The following TRIM54 variants were observed in gnomAD, a reference collection of about 807,000 sequenced individuals.
TRIM54 encodes the protein tripartite motif-containing protein 54.
A neutral mutation model predicts 42.0 loss-of-function variants in TRIM54; 40 were observed. The ratio of observed to expected loss-of-function variants is 0.95; its 90% CI spans 0.74 to 1.24. TRIM54 has a LOEUF of 1.24. Ranked by LOEUF, TRIM54 falls within the 50% of genes most tolerant of loss-of-function variation. TRIM54 has a pLI of 0.00. For missense variants in TRIM54, 485 were observed against 480.3 expected, an observed-to-expected ratio of 1.01 and a Z score of -0.09; for synonymous variants, 199 against 194.9, an observed-to-expected ratio of 1.02 and a Z score of -0.17.
intron 1 of TRIM54, among the ~76,000 whole-genome samples, chr2:27,289,985 C>T (rs1291647387): frequency 2.0e-5 from 3 of 148,642 alleles, no homozygotes; most frequent in Non-Finnish European, 4.4e-5. Flanking sequence ...GATTCTCATG[C>T]CTCAGCTTCC....
Position 27,282,919 on chromosome 2 carries a change from C to A in TRIM54, c.168+20C>A, listed in dbSNP as rs559306119. On this transcript the variant is annotated intron_variant, in intron 1 of 8. Transcript: ENST00000380075. Reference sequence around the variant, plus strand: ...TTCCAGGTGGGTGCCAGGGACGGGGCAGGGCCAGGTAAAGCAATGCAGACC... The same window carrying A: ...TTCCAGGTGGGTGCCAGGGACGGGGAAGGGCCAGGTAAAGCAATGCAGACC... The A allele has an allele frequency of 6.9e-6, 11 of 1,598,464 alleles. No individual in the cohort carries two copies. Among genetic ancestry groups the A allele is most frequent in the Non-Finnish European group, 8.5e-6 (10 of 1,172,372 alleles).
At chr2:27,283,388 C>G (rs968941169) in intron 1 of TRIM54, among the ~76,000 whole-genome samples, 1 of 152,120 alleles carries the variant, frequency 6.6e-6, no homozygotes, top group Non-Finnish European at 1.5e-5. Context: ...TTGAAGGCAT[C>G]CATTGTGGGT....
chr2:27,304,568 G>A (rs971262728), intron 3 of TRIM54: 6 of 177,912 alleles, frequency 3.4e-5, no homozygotes, highest in Admixed American at 1.1e-4. Flanking sequence ...AGGTCTAACA[G>A]GTCTAATCAG....
intron 3 of TRIM54, among the ~76,000 whole-genome samples, chr2:27,301,548 G>A (rs1333746924): frequency 6.6e-6 from 1 of 152,188 alleles, no homozygotes; most frequent in African/African-American, 2.4e-5. Context: ...CATTGCCATG[G>A]CATTAGTAAA....
At chr2:27,299,217 C>G in intron 2 of TRIM54, 28 bp from the exon 3 acceptor site, 1 of 1,611,480 alleles carries the variant, frequency 6.2e-7, no homozygotes, top group African/African-American at 1.3e-5. Context: ...TGCTTAAGGT[C>G]CACCTCCCCC....
chr2:27,294,472 G>A (rs1204139793), intron 1 of TRIM54, among the ~76,000 whole-genome samples: 6 of 152,166 alleles, frequency 3.9e-5, no homozygotes, highest in Non-Finnish European at 7.3e-5. Flanking sequence ...TATTAGGACA[G>A]GCTCTGGAGT....
chr2:27,289,860 CTTTTTTTTTTTTTTTTT>C (rs756771152), intron 1 of TRIM54, among the ~76,000 whole-genome samples: 11 of 100,608 alleles, frequency 1.1e-4, no homozygotes, highest in Non-Finnish European at 2.0e-4. Context: ...CTCTCTTTCT[CTTTTTTTTTTTTTTTTT>C]TTTTTTTTTT....
intron 3 of TRIM54, among the ~76,000 whole-genome samples, chr2:27,301,689 G>A (rs1679041632): frequency 6.6e-6 from 1 of 152,106 alleles, no homozygotes; most frequent in South Asian, 2.1e-4. Context: ...TGTATGACCT[G>A]TATCTTGTGC....
At chr2:27,305,102 G>C in intron 4 of TRIM54, 48 bp downstream of exon 4, 1 of 1,526,458 alleles carries the variant, frequency 6.6e-7, no homozygotes, top group Non-Finnish European at 9.0e-7. Context: ...GCTAGCCTGC[G>C]GACCCCGGGC....
chr2:27,282,946 G>C, intron 1 of TRIM54, 47 bp downstream of exon 1: 1 of 1,571,440 alleles, frequency 6.4e-7, no homozygotes, highest in South Asian at 1.2e-5. Flanking sequence ...ATGCAGACCT[G>C]TGGGGGACTG....
rs1448635112 is a variant in TRIM54 at position 27,305,831 on chromosome 2, G to T, written c.843+14G>T. On this transcript the variant is annotated intron_variant, in intron 5 of 8. Transcript: ENST00000380075. ...CTGTATCTCCAGGTGGGCTCTAGGGGAGGGTGGCAGCGCTGCACAGTGGCT... is the reference window on the plus strand; with the variant it reads ...CTGTATCTCCAGGTGGGCTCTAGGGTAGGGTGGCAGCGCTGCACAGTGGCT... 1 of 1,570,336 alleles carries T rather than the reference G, an allele frequency of 6.4e-7. No homozygotes were observed. The highest frequency in any genetic ancestry group is 8.7e-7 in the Non-Finnish European group (1 of 1,155,928).
intron 1 of TRIM54, among the ~76,000 whole-genome samples, chr2:27,296,847 C>T (rs1049617298): frequency 6.6e-6 from 1 of 152,172 alleles, no homozygotes; most frequent in African/African-American, 2.4e-5. Context: ...CAGCCTCTGT[C>T]TCCTGGTTTC....
chr2:27,305,386 C>T lies in TRIM54; in HGVS notation c.610-198C>T, dbSNP rs1679164024. The T allele has an allele frequency of 1.0e-5, 6 of 600,556 alleles. No homozygotes were observed. In the South Asian group the frequency reaches 1.2e-4, roughly 12 times the overall value. The allele number at this position is 600,556 out of a possible 1,614,324, so 37.2% of individuals were successfully genotyped here. A position where few individuals can be genotyped will look rare whatever the true frequency, so the allele number is the denominator to read the frequency against. ...TAAAAACCAGGGCTAGGGATATAGA[C>T]AGCAATCAGTGAAGCTACTTTAAAG... is the stretch of plus-strand genomic sequence containing the variant. On this transcript the variant is annotated intron_variant, in intron 4 of 8. Coordinates refer to ENST00000380075, the MANE Select transcript of TRIM54 (RefSeq NM_187841.3).
Position 27,307,302 on chromosome 2 carries a change from C to A in TRIM54, c.*417C>A. ...CTGAAAGCCGCTGTCTCGGAGCCCC[C>A]CACAGCATTTTGTTCCCCTCCCGCT... On this transcript the variant is annotated 3_prime_UTR_variant, in exon 9 of 9. Transcript: ENST00000380075. The surrounding 1 kb of genome is among the most constrained non-coding windows in gnomAD (Gnocchi z 6.9). 2 of 734,496 alleles carry A rather than the reference C, an allele frequency of 2.7e-6. No individual in the cohort carries two copies. Among genetic ancestry groups the A allele is most frequent in the South Asian group, 1.9e-5 (1 of 53,176 alleles). 45.5% of individuals were successfully genotyped at this position (734,496 alleles called of 1,614,324 possible).
At chr2:27,282,974 A>T in intron 1 of TRIM54, 75 bp downstream of exon 1, 2 of 1,475,268 alleles carry the variant, frequency 1.4e-6, no homozygotes, top group South Asian at 1.3e-5. Context: ...CAGAGCTGAG[A>T]CCCCAGAAGG....
At position 27,305,684 on chromosome 2, in the gene TRIM54, G is replaced by T. The variant is rs777180573; in HGVS notation, c.710G>T (p.Arg237Leu). The T allele has an allele frequency of 3.7e-6, 6 of 1,612,998 alleles. No homozygotes were observed. The highest frequency in any genetic ancestry group is 5.1e-6 in the Non-Finnish European group (6 of 1,179,682). ...GGTGAGCTGCTGCAGGCGCTGGCCCGGGAGCAAGAGGAGAAGCTGCAGCGC... is the reference window on the plus strand; with the variant it reads ...GGTGAGCTGCTGCAGGCGCTGGCCCTGGAGCAAGAGGAGAAGCTGCAGCGC... Reference protein sequence around the residue: ...RKGELLQALAREQEEKLQRVR... With the variant: ...RKGELLQALALEQEEKLQRVR... Residue 237 changes from arginine to leucine, a missense_variant, in exon 5 of 9, where the codon CGG becomes CTG. Physicochemically the swap from Arg to Leu is moderately radical, Grantham distance 102 (BLOSUM62 -2). Transcript: ENST00000380075.
At chr2:27,295,858 T>C (rs1343325070) in intron 1 of TRIM54, among the ~76,000 whole-genome samples, 1 of 152,238 alleles carries the variant, frequency 6.6e-6, no homozygotes, top group Non-Finnish European at 1.5e-5. Context: ...GGGTTCTAAA[T>C]ATTGAAAAGT....
Position 27,306,785 on chromosome 2 carries a change from A to G in TRIM54, c.*2-102A>G. 1.8e-6 allele frequency: 1 copy of G among 565,910 alleles called. No individual in the cohort carries two copies. The highest frequency in any genetic ancestry group is 1.9e-5 in the African/African-American group (1 of 52,978). The allele number at this position is 565,910 out of a possible 1,614,324, so 35.1% of individuals were successfully genotyped here. On this transcript the variant is annotated intron_variant, in intron 8 of 8. Coordinates refer to ENST00000380075, the MANE Select transcript of TRIM54 (RefSeq NM_187841.3). The surrounding 1 kb of genome is among the most constrained non-coding windows in gnomAD (Gnocchi z 6.1). ...CTGGGAGGGCAGGCAAGGCAGGCTG[A>G]GTAGAGGAGAAACCCACGTGGCGGG...
rs1285003346 is a variant in TRIM54 at position 27,306,373 on chromosome 2, C to T, written c.991+36C>T. The T allele has an allele frequency of 2.5e-6, 4 of 1,613,832 alleles. No individual in the cohort carries two copies. Among genetic ancestry groups the T allele is most frequent in the South Asian group, 1.1e-5 (1 of 91,070 alleles). Reference sequence around the variant, plus strand: ...TGGCCGAGGGCCGCTGAGACGGGTTCGGACCCTCTGTGTGGGGGGTGCGGC... The same window carrying T: ...TGGCCGAGGGCCGCTGAGACGGGTTTGGACCCTCTGTGTGGGGGGTGCGGC... On this transcript the variant is annotated intron_variant, in intron 7 of 8. Transcript: ENST00000380075. This position sits in a 1 kb window ranked among gnomAD's most constrained non-coding sequence, Gnocchi z 6.1.
Sources: allele counts gnomAD v4.1 joint callset (sites outside exome capture counted in the v4.1 genomes callset), GRCh38; gene constraint gnomAD v4.1.1; non-coding constraint Gnocchi (gnomAD v3.1); transcripts MANE v1.5; gene names NCBI Gene and HGNC (gene_info 2026-07-23, HGNC 2026-07-21).